The following PDE4B variants were observed in gnomAD, a reference collection of about 807,000 sequenced individuals.
PDE4B encodes 3',5'-cyclic-AMP phosphodiesterase 4B.
PDE4B carries 20 observed loss-of-function variants against 82.2 expected under a neutral mutation model. The ratio of observed to expected loss-of-function variants is 0.24; its 90% confidence interval spans 0.17 to 0.35. The LOEUF is 0.35. PDE4B is among the 10% of genes least tolerant of loss of function. PDE4B has a pLI of 1.00. For missense variants in PDE4B, 655 were observed against 907.2 expected, an observed-to-expected ratio of 0.72 and a Z score of 3.57; for synonymous variants, 320 against 318.9, an observed-to-expected ratio of 1.00 and a Z score of -0.04.
chr1:65,849,633 C>G (rs1342994340), intron 1 of PDE4B, among the ~76,000 whole-genome samples: 2 of 152,088 alleles, frequency 1.3e-5, no homozygotes, highest in Non-Finnish European at 2.9e-5. Context: ...CACTGCAAAA[C>G]TACCTGAGGG....
At chr1:66,058,861 T>C (rs1655441075) in intron 3 of PDE4B, among the ~76,000 whole-genome samples, 5 of 152,254 alleles carry the variant, frequency 3.3e-5, no homozygotes. Context: ...TCTTCCATTG[T>C]CTTGGGGATT....
chr1:66,300,973 T>C (rs1284384578), intron 7 of PDE4B, among the ~76,000 whole-genome samples: 1 of 152,184 alleles, frequency 6.6e-6, no homozygotes, highest in Non-Finnish European at 1.5e-5. Flanking sequence ...GCTATTAATA[T>C]CACAAACAGG....
intron 1 of PDE4B, among the ~76,000 whole-genome samples, chr1:65,877,548 G>T (rs1646659810): frequency 6.6e-6 from 1 of 151,994 alleles, no homozygotes; most frequent in East Asian, 1.9e-4. Flanking sequence ...CTGGGAGGCA[G>T]AGTTTGCAGT....
At chr1:66,278,100 A>T (rs1656024553) in intron 7 of PDE4B, among the ~76,000 whole-genome samples, 1 of 152,230 alleles carries the variant, frequency 6.6e-6, no homozygotes, top group Non-Finnish European at 1.5e-5. Flanking sequence ...TTTATACACT[A>T]GACTGTATGC....
intron 1 of PDE4B, among the ~76,000 whole-genome samples, chr1:65,891,544 A>C (rs1356210380): frequency 6.6e-6 from 1 of 152,058 alleles, no homozygotes; most frequent in Non-Finnish European, 1.5e-5. Flanking sequence ...AGACTATCAC[A>C]TGTAGTCAAG....
At chr1:66,146,700 C>G (rs1002994679) in intron 3 of PDE4B, among the ~76,000 whole-genome samples, 6 of 152,146 alleles carry the variant, frequency 3.9e-5, no homozygotes, top group African/African-American at 1.2e-4. Flanking sequence ...TCAAGCATCA[C>G]ACTGTTTGGG....
chr1:66,078,223 G>A (rs1013070130), intron 3 of PDE4B, among the ~76,000 whole-genome samples: 2 of 150,076 alleles, frequency 1.3e-5, no homozygotes, highest in South Asian at 2.1e-4. Context: ...TCAAGATGGA[G>A]TCTTGCTCTG....
At chr1:66,031,293 C>G (rs1653762825) in intron 3 of PDE4B, among the ~76,000 whole-genome samples, 1 of 152,084 alleles carries the variant, frequency 6.6e-6, no homozygotes, top group Non-Finnish European at 1.5e-5. Flanking sequence ...AATATTCTTT[C>G]TTTTTATTCT....
chr1:65,910,845 A>G (rs1177562484), intron 1 of PDE4B, among the ~76,000 whole-genome samples: 3 of 152,230 alleles, frequency 2.0e-5, no homozygotes, highest in African/African-American at 4.8e-5. Context: ...CCAGCCTCCC[A>G]GGGCACAGAC....
intron 1 of PDE4B, among the ~76,000 whole-genome samples, chr1:65,821,292 C>G (rs796341069): frequency 4.0e-4 from 61 of 152,326 alleles, no homozygotes; most frequent in African/African-American, 1.4e-3. Context: ...CAACAGTTAT[C>G]CCTTCCAATG....
intron 3 of PDE4B, among the ~76,000 whole-genome samples, chr1:66,125,150 T>C (rs1645796339): frequency 7.0e-6 from 1 of 142,812 alleles, no homozygotes; most frequent in Non-Finnish European, 1.5e-5. Context: ...CAATTCATGA[T>C]GGCCCATACT....
intron 3 of PDE4B, among the ~76,000 whole-genome samples, chr1:66,182,332 G>A (rs1241365434): frequency 1.3e-5 from 2 of 151,988 alleles, no homozygotes; most frequent in Admixed American, 6.6e-5. Flanking sequence ...TTGTTTTGGG[G>A]AAATATAATA....
At chr1:65,837,354 G>C (rs1646151779) in intron 1 of PDE4B, among the ~76,000 whole-genome samples, 1 of 152,154 alleles carries the variant, frequency 6.6e-6, no homozygotes, top group Non-Finnish European at 1.5e-5. Flanking sequence ...CACTTTGGGA[G>C]GCTGAGGCGG....
intron 3 of PDE4B, among the ~76,000 whole-genome samples, chr1:66,014,340 G>T (rs1557498107): frequency 6.6e-6 from 1 of 151,918 alleles, no homozygotes; most frequent in African/African-American, 2.4e-5. Flanking sequence ...ATGCTTTCTG[G>T]TGTCATAGCC....
chr1:66,190,740 C>A lies in PDE4B; in HGVS notation c.282-56720C>A, dbSNP rs540202373. Among the ~76,000 whole-genome samples the A allele has an allele frequency of 1.2e-4, 18 of 152,234 alleles. No homozygotes were observed. The South Asian group carries it at 1.5e-3, about 12-fold the overall frequency. On this transcript the variant is annotated intron_variant, in intron 3 of 16. Coordinates refer to ENST00000341517, the MANE Select transcript of PDE4B (RefSeq NM_002600.4). ...GATTTTCCAGGTGCCATCTGTCACC[C>A]CTTTCTTTGACTAGGAAAGGGAATT...
In PDE4B at chr1:65,828,394, C is replaced by T. The variant is rs1453204885; in HGVS notation, c.-71+35146C>T. 4.0e-5 allele frequency among the ~76,000 whole-genome samples: 6 copies of T among 151,850 alleles called. No individual in the cohort carries two copies. The South Asian group carries it at 6.2e-4, about 16-fold the overall frequency. On this transcript the variant is annotated intron_variant, in intron 1 of 16. Coordinates refer to ENST00000341517, the MANE Select transcript of PDE4B (RefSeq NM_002600.4). ...TCGAGTAGCTGGGATTCCAGGTTTG[C>T]GCCACCATGCCTGTCTAATTTTTGT...
intron 7 of PDE4B, among the ~76,000 whole-genome samples, chr1:66,300,954 G>A (rs1344197642): frequency 6.6e-6 from 1 of 152,170 alleles, no homozygotes; most frequent in African/African-American, 2.4e-5. Context: ...GCTGAGCTCT[G>A]AAGATTAAGC....
At chr1:65,973,899 A>G (rs1244855846) in intron 3 of PDE4B, among the ~76,000 whole-genome samples, 1 of 151,612 alleles carries the variant, frequency 6.6e-6, no homozygotes, top group Admixed American at 6.6e-5. Context: ...TGTAACGTCC[A>G]CCTCCTGGGT....
At chr1:66,306,650 A>G (rs1056638890) in intron 7 of PDE4B, among the ~76,000 whole-genome samples, 2 of 152,166 alleles carry the variant, frequency 1.3e-5, no homozygotes, top group African/African-American at 4.8e-5. Context: ...TCATTTTTAA[A>G]TATTGCATTA....
Sources: gnomAD v4.1 joint callset for allele counts (sites outside exome capture counted in the v4.1 genomes callset) on GRCh38, gnomAD v4.1.1 for gene constraint, MANE v1.5 for transcripts, NCBI Gene and HGNC (gene_info 2026-07-23, HGNC 2026-07-21) for gene names.